Variants in CDH18 observed in about 807,000 individuals in gnomAD.
The protein encoded by CDH18 is cadherin 18, also known as cadherin-18.
In CDH18, 31 loss-of-function variants were observed where a neutral mutation model predicts 67.9. The observed-to-expected ratio is 0.46, with a 90% CI of 0.34 to 0.62. CDH18 has a LOEUF of 0.62. CDH18 is among the 20% of genes least tolerant of loss of function. CDH18 has a pLI of 0.01. For missense variants in CDH18, 890 were observed against 975.5 expected (o/e 0.91, Z 1.17); for synonymous variants, 362 against 347.2 (o/e 1.04, Z -0.48).
chr5:19,577,721 G>A (rs979936282), intron 7 of CDH18, among the ~76,000 whole-genome samples: 1 of 152,140 alleles, frequency 6.6e-6, no homozygotes, highest in African/African-American at 2.4e-5. Context: ...TGTTGGGATG[G>A]GGTAAACACT....
chr5:19,486,741 C>T (rs959810194), intron 11 of CDH18, among the ~76,000 whole-genome samples: 3 of 152,118 alleles, frequency 2.0e-5, no homozygotes, highest in South Asian at 2.1e-4. Flanking sequence ...TGCAGAGAGC[C>T]GAGATCACGC....
At chr5:20,356,081 C>T (rs1208990694) in intron 1 of CDH18, among the ~76,000 whole-genome samples, 1 of 152,130 alleles carries the variant, frequency 6.6e-6, no homozygotes, top group Non-Finnish European at 1.5e-5. Context: ...AAAACCCACT[C>T]TAAAATTAAA....
intron 9 of CDH18, among the ~76,000 whole-genome samples, chr5:19,527,762 G>A (rs1380524011): frequency 6.6e-6 from 1 of 151,730 alleles, no homozygotes; most frequent in Non-Finnish European, 1.5e-5. Flanking sequence ...TTTACAGTAA[G>A]TGCTCTCATT....
intron 2 of CDH18, among the ~76,000 whole-genome samples, chr5:20,243,558 T>C (rs996642920): frequency 6.6e-6 from 1 of 152,134 alleles, no homozygotes; most frequent in Non-Finnish European, 1.5e-5. Flanking sequence ...TCAGTGATTC[T>C]ATGTTATCAT....
chr5:20,498,561 G>A (rs1406927760), intron 1 of CDH18, among the ~76,000 whole-genome samples: 2 of 152,010 alleles, frequency 1.3e-5, no homozygotes, highest in African/African-American at 4.8e-5. Flanking sequence ...ATTAACCTAT[G>A]AGTGTTTAAC....
At chr5:20,250,970 T>C (rs575389971) in intron 2 of CDH18, among the ~76,000 whole-genome samples, 301 of 152,258 alleles carry the variant, frequency 2.0e-3, no homozygotes, top group African/African-American at 6.5e-3. Context: ...CCCCTTTACA[T>C]TGCATGTAAC....
At chr5:20,228,085 C>T (rs1741778870) in intron 2 of CDH18, among the ~76,000 whole-genome samples, 1 of 152,062 alleles carries the variant, frequency 6.6e-6, no homozygotes, top group African/African-American at 2.4e-5. Flanking sequence ...AACCCAATCC[C>T]CTTAATGGAA....
chr5:20,002,431 T>A (rs1002432224), intron 2 of CDH18, among the ~76,000 whole-genome samples: 28 of 152,342 alleles, frequency 1.8e-4, no homozygotes, highest in Middle Eastern at 3.4e-3. Context: ...AGTTTGCACA[T>A]CTTTTAATGG....
chr5:20,172,240 G>GTATATATACGTATATATATATGTA lies in CDH18; in HGVS notation c.-518+83203_-518+83204insTACATATATATATACGTATATATA, dbSNP rs1561848863. 3.1e-4 allele frequency among the ~76,000 whole-genome samples: 20 copies of GTATATATACGTATATATATATGTA among 64,124 alleles called. 2 individuals are homozygous for GTATATATACGTATATATATATGTA. Among genetic ancestry groups the GTATATATACGTATATATATATGTA allele is most frequent in the African/African-American group, 1.3e-3 (20 of 15,918 alleles). 42.1% of individuals were successfully genotyped at this position (64,124 alleles called of 152,430 possible). A position where few individuals can be genotyped will look rare whatever the true frequency, so the allele number is the denominator to read the frequency against. ...TATATATATGTATATATATATATAT[G>GTATATATACGTATATATATATGTA]TATATATATATATATATCTCCTCTC... On this transcript the variant is annotated intron_variant, in intron 2 of 14. Coordinates refer to the CDH18 transcript ENST00000507958.
At chr5:20,404,938 A>G (rs930885875) in intron 1 of CDH18, among the ~76,000 whole-genome samples, 1 of 152,170 alleles carries the variant, frequency 6.6e-6, no homozygotes, top group Non-Finnish European at 1.5e-5. Flanking sequence ...ACGGAAGTAT[A>G]TATTGTAATC....
chr5:19,971,862 G>C (rs1453264738), intron 2 of CDH18, among the ~76,000 whole-genome samples: 1 of 120,406 alleles, frequency 8.3e-6, no homozygotes, highest in Non-Finnish European at 1.5e-5. Context: ...AAAAAAAAGA[G>C]AGAGAGAGAG....
At chr5:19,617,321 A>G (rs1238494038) in intron 5 of CDH18, among the ~76,000 whole-genome samples, 1 of 152,234 alleles carries the variant, frequency 6.6e-6, no homozygotes, top group Non-Finnish European at 1.5e-5. Flanking sequence ...GACATAGTCC[A>G]AGTAAGAAAG....
chr5:20,044,683 A>G (rs1666789672), intron 2 of CDH18, among the ~76,000 whole-genome samples: 1 of 152,160 alleles, frequency 6.6e-6, no homozygotes. Flanking sequence ...ATATTTTAGA[A>G]AATGTAAATC....
chr5:19,817,948 T>C (rs1779466695), intron 3 of CDH18, among the ~76,000 whole-genome samples: 2 of 152,166 alleles, frequency 1.3e-5, no homozygotes, highest in African/African-American at 4.8e-5. Context: ...TAACATGTTA[T>C]TTATGGACTC....
intron 2 of CDH18, among the ~76,000 whole-genome samples, chr5:20,152,246 A>G (rs1214926213): frequency 6.9e-6 from 1 of 145,888 alleles, no homozygotes; most frequent in Non-Finnish European, 1.5e-5. Context: ...AATTATATAT[A>G]ATATAGATAC....
chr5:19,552,824 A>AT (rs1194300832), intron 8 of CDH18, among the ~76,000 whole-genome samples: 2 of 152,188 alleles, frequency 1.3e-5, no homozygotes, highest in African/African-American at 4.8e-5. Context: ...CACCCAGTAC[A>AT]GGAGATCTTG....
intron 3 of CDH18, among the ~76,000 whole-genome samples, chr5:19,784,160 T>C (rs913784080): frequency 6.6e-6 from 1 of 152,148 alleles, no homozygotes; most frequent in Admixed American, 6.6e-5. Flanking sequence ...ATAGCCTATG[T>C]TTTTTAAATA....
Position 20,222,030 on chromosome 5 carries a change from C to A in CDH18, c.-518+33414G>T, listed in dbSNP as rs535781830. Among the ~76,000 whole-genome samples the A allele has an allele frequency of 4.6e-5, 7 of 152,236 alleles. No homozygotes were observed. In the East Asian group the frequency reaches 1.2e-3, roughly 25 times the overall value. On this transcript the variant is annotated intron_variant, in intron 2 of 14. Coordinates refer to the CDH18 transcript ENST00000507958. The stretch of plus-strand genomic sequence containing the variant: ...GCTCCAGATCAGTACCACCCTTACA[C>A]GTCACAAGAGTTGCTCTTCCCTGGA...
intron 2 of CDH18, among the ~76,000 whole-genome samples, chr5:19,947,308 G>A (rs1207325266): frequency 1.1e-4 from 17 of 151,748 alleles, no homozygotes; most frequent in Admixed American, 1.1e-3. Flanking sequence ...CACCTTGTAT[G>A]AAAATTAACC....
Sources: gnomAD v4.1 joint callset for allele counts (sites outside exome capture counted in the v4.1 genomes callset) on GRCh38, gnomAD v4.1.1 for gene constraint, MANE v1.5 for transcripts, NCBI Gene and HGNC (gene_info 2026-07-23, HGNC 2026-07-21) for gene names.